DNASE1: variants seen among roughly 807,000 people sequenced by gnomAD.
DNASE1 encodes deoxyribonuclease-1.
In DNASE1, 40 loss-of-function variants were observed where a neutral mutation model predicts 33.9. The ratio of observed to expected loss-of-function variants is 1.18; its 90% confidence interval spans 0.92 to 1.54. The LOEUF (loss-of-function observed/expected upper bound fraction) is 1.54, where lower values mean the gene tolerates loss of function less well. DNASE1 is among the 40% of genes most tolerant of loss of function. The probability of loss-of-function intolerance (pLI) is 0.00; values close to 1 mark genes in which losing one functional copy is unlikely to be tolerated. For synonymous variants in DNASE1, 216 were observed against 160.0 expected (o/e 1.35, Z -2.64); for missense variants, 518 against 372.6 (o/e 1.39, Z -3.21).
At chr16:3,640,823 G>A (rs975201375), upstream of DNASE1, 8 of 398,466 alleles carry the variant, frequency 2.0e-5, no homozygotes, top group Middle Eastern at 6.2e-4. Context: ...AGCTTCCTGT[G>A]GCTGTCACTC....
At chr16:3,623,107 G>A (rs767195500) in intron 1 of DNASE1, among the ~76,000 whole-genome samples, 16 of 152,174 alleles carry the variant, frequency 1.1e-4, no homozygotes, top group Non-Finnish European at 2.1e-4. Flanking sequence ...TACTCATGCA[G>A]TAACTAAAAC....
At chr16:3,630,875 T>C (rs1301322421) in intron 1 of DNASE1, among the ~76,000 whole-genome samples, 2 of 152,126 alleles carry the variant, frequency 1.3e-5, no homozygotes, top group East Asian at 3.8e-4. Context: ...AAGTTTCTTA[T>C]AGATGGCATA....
chr16:3,627,930 A>G (rs979262765), intron 1 of DNASE1, among the ~76,000 whole-genome samples: 1 of 56,902 alleles, frequency 1.8e-5, no homozygotes, highest in Non-Finnish European at 3.4e-5. Context: ...TGTATTTTCT[A>G]TTTCTGCAAA....
At chr16:3,659,934 GA>G (rs1317068588), downstream of DNASE1, 1 of 152,042 alleles carries the variant, frequency 6.6e-6, no homozygotes, top group Non-Finnish European at 1.5e-5. Context: ...ATTTTTAGTA[GA>G]GATGAGGTCT....
Position 3,656,888 on chromosome 16 carries a change from T to G in DNASE1, c.437-111T>G, listed in dbSNP as rs1431944980. 5.8e-6 allele frequency: 9 copies of G among 1,546,174 alleles called. No homozygotes were observed. In the South Asian group the frequency reaches 1.1e-4, roughly 18 times the overall value. ...GCTTGGGTTTTCCATTCAAGTCATT[T>G]GGAAAATATCCACCCCCCGGGGGGA... On this transcript the variant is annotated intron_variant, in intron 5 of 8. Transcript: ENST00000246949.
chr16:3,646,215 G>C (rs80268144), intron 1 of DNASE1, among the ~76,000 whole-genome samples: 51 of 151,610 alleles, frequency 3.4e-4, no homozygotes, highest in African/African-American at 1.1e-3. Context: ...GTTTTTCTCT[G>C]GGGGGGGTCT....
chr16:3,618,384 C>T (rs2041183681), intron 1 of DNASE1, among the ~76,000 whole-genome samples: 1 of 152,076 alleles, frequency 6.6e-6, no homozygotes. Context: ...AAGATAAAAT[C>T]ATCATATGAT....
At chr16:3,656,793 C>G in intron 5 of DNASE1, 40 bp downstream of exon 5, 2 of 1,564,678 alleles carry the variant, frequency 1.3e-6, no homozygotes, top group South Asian at 2.3e-5. Flanking sequence ...CGGCTTGGCG[C>G]TTATGGCCTC....
At chr16:3,625,652 A>T (rs1359237805) in intron 1 of DNASE1, among the ~76,000 whole-genome samples, 1 of 152,046 alleles carries the variant, frequency 6.6e-6, no homozygotes. Flanking sequence ...GAAACGGCCA[A>T]TATAGAATAA....
At chr16:3,658,907 G>A (rs371097207), downstream of DNASE1, 700 of 1,596,928 alleles carry the variant, frequency 4.4e-4, 3 homozygotes, top group Non-Finnish European at 5.2e-4. Context: ...TCAGTACCAC[G>A]TGCTGTGACC....
chr16:3,646,184 C>A (rs2042167426), intron 1 of DNASE1, among the ~76,000 whole-genome samples: 1 of 152,094 alleles, frequency 6.6e-6, no homozygotes, highest in Admixed American at 6.5e-5. Flanking sequence ...CCTGCAGTGT[C>A]CACTGTGCTG....
intron 1 of DNASE1, 36 bp from the exon 2 acceptor site, chr16:3,655,337 A>C (rs905967077): frequency 6.2e-7 from 1 of 1,613,132 alleles, no homozygotes; most frequent in Non-Finnish European, 8.5e-7. Context: ...ATGACGTCTC[A>C]CTTCTGTTAT....
chr16:3,665,067 C>T (rs2050798305), exon 10 of DNASE1: 1 of 153,368 alleles, frequency 6.5e-6, no homozygotes, highest in South Asian at 2.0e-4. Context: ...CCCAGGCCAC[C>T]CCTGCACACA....
At chr16:3,662,468 C>T (rs2043139354), downstream of DNASE1, 2 of 523,648 alleles carry the variant, frequency 3.8e-6, no homozygotes, top group Non-Finnish European at 7.0e-6. Context: ...GCTCATTTCT[C>T]ACTCTGAGCT....
At chr16:3,643,227 C>T (rs942115467) in intron 1 of DNASE1, among the ~76,000 whole-genome samples, 5 of 152,230 alleles carry the variant, frequency 3.3e-5, no homozygotes, top group Non-Finnish European at 5.9e-5. Context: ...GGGGCCAAGA[C>T]CCCTGAGCGA....
chr16:3,653,313 C>A (rs950517248), upstream of DNASE1: 35 of 152,194 alleles, frequency 2.3e-4, no homozygotes, highest in African/African-American at 8.4e-4. Context: ...CGTCCAGTCT[C>A]CGGAATTTTG....
intron 1 of DNASE1, among the ~76,000 whole-genome samples, chr16:3,632,586 CT>C (rs554432843): frequency 3.4e-3 from 480 of 140,998 alleles, no homozygotes; most frequent in Non-Finnish European, 3.8e-3. Context: ...TTTTTTCTCT[CT>C]TTTTTTTTTT....
At chr16:3,657,683 A>G (rs1476162789) in intron 7 of DNASE1, 37 bp from the exon 8 acceptor site, 1 of 1,612,310 alleles carries the variant, frequency 6.2e-7, no homozygotes, top group Non-Finnish European at 8.5e-7. Flanking sequence ...CCCATGTGTG[A>G]AAGGGGAACC....
chr16:3,650,297 A>C (rs1334606688), upstream of DNASE1, among the ~76,000 whole-genome samples: 1 of 152,188 alleles, frequency 6.6e-6, no homozygotes, highest in Non-Finnish European at 1.5e-5. Context: ...ACGAGTTATT[A>C]ATACATCTTC....
Sources: allele counts gnomAD v4.1 joint callset (sites outside exome capture counted in the v4.1 genomes callset), GRCh38; gene constraint gnomAD v4.1.1; transcripts MANE v1.5; gene names NCBI Gene and HGNC (gene_info 2026-07-23, HGNC 2026-07-21).